The following PRRX1 variants were observed in gnomAD, a reference collection of about 807,000 sequenced individuals.
PRRX1 encodes the protein paired mesoderm homeobox protein 1.
Under a neutral mutation model 24.0 loss-of-function variants are expected in PRRX1, and 8 were observed. The ratio of observed to expected loss-of-function variants is 0.33; its 90% CI spans 0.20 to 0.60. PRRX1 has a LOEUF of 0.60. Among genes scored for constraint, PRRX1 ranks in the 20% least tolerant of loss-of-function variants. PRRX1 has a pLI of 0.82. For synonymous variants in PRRX1, 160 were observed against 131.7 expected, an observed-to-expected ratio of 1.22 and a Z score of -1.47; for missense variants, 281 against 322.4, an observed-to-expected ratio of 0.87 and a Z score of 0.98.
chr1:170,720,020 C>T, intron 2 of PRRX1, 119 bp downstream of exon 2: 1 of 1,353,694 alleles, frequency 7.4e-7, no homozygotes, highest in East Asian at 2.4e-5. Context: ...GCAATCTCAG[C>T]ACGTTGGGAG....
chr1:170,730,806 G>GT (rs1452877783), intron 3 of PRRX1, among the ~76,000 whole-genome samples: 1 of 152,126 alleles, frequency 6.6e-6, no homozygotes, highest in African/African-American at 2.4e-5. Flanking sequence ...ATGCAGCTTT[G>GT]TATCTAACAT....
At chr1:170,735,735 A>G (rs1571354013) in intron 3 of PRRX1, among the ~76,000 whole-genome samples, 1 of 152,160 alleles carries the variant, frequency 6.6e-6, no homozygotes, top group Non-Finnish European at 1.5e-5. Flanking sequence ...AACACCTGCT[A>G]TTCAACTTGA....
intron 2 of PRRX1, 119 bp from the exon 3 acceptor site, chr1:170,726,101 A>T: frequency 2.0e-6 from 2 of 1,001,186 alleles, no homozygotes; most frequent in Non-Finnish European, 3.1e-6. Context: ...TAGCCATCTT[A>T]TATCTTCTTT....
At chr1:170,734,840 G>A (rs11590551) in intron 3 of PRRX1, among the ~76,000 whole-genome samples, 7,219 of 152,188 alleles carry the variant, frequency 0.047, 249 homozygotes, top group Middle Eastern at 0.13. Context: ...TTTTGACTCC[G>A]TGGTGTCCCA....
In PRRX1 at chr1:170,670,556, A is replaced by G. The variant is rs1357075216; in HGVS notation, c.241+6097A>G. On this transcript the variant is annotated intron_variant, in intron 1 of 3. Coordinates refer to ENST00000239461, the MANE Select transcript of PRRX1 (RefSeq NM_022716.4). ...TCCACTGTGGACTAAATATTAGTAGATTGTCGTTGTCATTTTTCTAATTTA... is the reference window on the plus strand; with the variant it reads ...TCCACTGTGGACTAAATATTAGTAGGTTGTCGTTGTCATTTTTCTAATTTA... 2.6e-5 allele frequency among the ~76,000 whole-genome samples: 4 copies of G among 152,164 alleles called. No homozygotes were observed. The East Asian group carries it at 7.7e-4, about 29-fold the overall frequency.
intron 3 of PRRX1, chr1:170,730,065 C>G: frequency 1.6e-6 from 1 of 627,716 alleles, no homozygotes. Context: ...AGTGAATGGC[C>G]TGGTTTTGCA....
intron 1 of PRRX1, among the ~76,000 whole-genome samples, chr1:170,713,318 C>T (rs142460274): frequency 2.6e-5 from 4 of 152,250 alleles, no homozygotes; most frequent in African/African-American, 9.6e-5. Context: ...GAAGTAAGTA[C>T]AGTTCCAATA....
intron 1 of PRRX1, among the ~76,000 whole-genome samples, chr1:170,674,456 T>G (rs1653243297): frequency 6.6e-6 from 1 of 152,206 alleles, no homozygotes; most frequent in African/African-American, 2.4e-5. Context: ...CACACCTCCT[T>G]GCGAAACCTT....
At chr1:170,664,909 A>G (rs1360249790) in intron 1 of PRRX1, among the ~76,000 whole-genome samples, 1 of 152,214 alleles carries the variant, frequency 6.6e-6, no homozygotes, top group Admixed American at 6.5e-5. Flanking sequence ...CGGGCAGCGT[A>G]TGACGGCTTG....
chr1:170,665,644 T>C (rs1248439687), intron 1 of PRRX1, among the ~76,000 whole-genome samples: 2 of 152,202 alleles, frequency 1.3e-5, no homozygotes, highest in Admixed American at 6.5e-5. Flanking sequence ...TCTCAAAGAA[T>C]AGACATACAA....
At chr1:170,683,322 T>C (rs988112331) in intron 1 of PRRX1, among the ~76,000 whole-genome samples, 4 of 152,022 alleles carry the variant, frequency 2.6e-5, no homozygotes, top group African/African-American at 7.3e-5. Flanking sequence ...GCACCCAGAG[T>C]GTGACTCCTA....
Position 170,664,261 on chromosome 1 carries a change from C to T in PRRX1, c.43C>T (p.Leu15=), listed in dbSNP as rs1263510916. 17 of 1,612,658 alleles carry T rather than the reference C, an allele frequency of 1.1e-5. No individual in the cohort carries two copies. Among genetic ancestry groups the T allele is most frequent in the Non-Finnish European group, 1.4e-5 (16 of 1,179,602 alleles). The change falls in exon 1 of 4, where the codon CTG becomes TTG. Residue 15 remains leucine, a synonymous_variant. Coordinates refer to ENST00000239461, the MANE Select transcript of PRRX1 (RefSeq NM_022716.4). ...YGHVLERQPA[L]GGRLDSPGNL... ...GCACGTTCTGGAGCGGCAACCGGCG[C>T]TGGGCGGCCGCTTGGACAGCCCGGG...
intron 3 of PRRX1, among the ~76,000 whole-genome samples, chr1:170,733,205 T>C (rs751648546): frequency 6.6e-6 from 1 of 152,182 alleles, no homozygotes; most frequent in African/African-American, 2.4e-5. Flanking sequence ...TAGTTGACTC[T>C]GAAATCACTA....
At chr1:170,723,661 C>T (rs1655162555) in intron 2 of PRRX1, among the ~76,000 whole-genome samples, 1 of 152,214 alleles carries the variant, frequency 6.6e-6, no homozygotes, top group Non-Finnish European at 1.5e-5. Context: ...TCATACAATG[C>T]TTAACAATGG....
At chr1:170,678,888 TGAG>T (rs2101890148) in intron 1 of PRRX1, among the ~76,000 whole-genome samples, 1 of 152,338 alleles carries the variant, frequency 6.6e-6, no homozygotes, top group South Asian at 2.1e-4. Flanking sequence ...CAGAATGAAC[TGAG>T]GTTTCTCAAA....
intron 1 of PRRX1, 108 bp from the exon 2 acceptor site, chr1:170,719,618 G>T: frequency 8.0e-7 from 1 of 1,256,294 alleles, no homozygotes; most frequent in South Asian, 1.3e-5. Flanking sequence ...CTTTGATAAA[G>T]ATGTGAGCAA....
chr1:170,736,151 A>G lies in PRRX1; in HGVS notation c.703A>G (p.Ser235Gly), dbSNP rs1655595129. Residue 235 changes from serine (S) to glycine (G), a missense_variant, in exon 4 of 4, where the codon AGT becomes GGT. Ser to Gly is a moderately conservative substitution (Grantham distance 56). Coordinates refer to ENST00000239461, the MANE Select transcript of PRRX1 (RefSeq NM_022716.4). The stretch of plus-strand genomic sequence containing the variant: ...CCTGAGACTGAAGGCCAAGGAATAT[A>G]GTTTACAGAGGAACCAGGTGCCAAC... Reference protein sequence around the residue: ...ANLRLKAKEYSLQRNQVPTVN With the variant: ...ANLRLKAKEYGLQRNQVPTVN 1.2e-6 allele frequency: 2 copies of G among 1,614,224 alleles called. No individual in the cohort carries two copies. Among genetic ancestry groups the G allele is most frequent in the Non-Finnish European group, 1.7e-6 (2 of 1,180,020 alleles).
Position 170,737,347 on chromosome 1 carries a change from CAG to C in PRRX1, c.*1162_*1163del, listed in dbSNP as rs1318903426. ...TAAAGCCACAGAATAATTGATAGGG[CAG>C]CTGTTTGAGAACAGGTCCCATTTTC... On this transcript the variant is annotated 3_prime_UTR_variant, in exon 4 of 4. Transcript: ENST00000239461. The C allele has an allele frequency of 5.2e-6, 1 of 190,548 alleles. No homozygotes were observed. Among genetic ancestry groups the C allele is most frequent in the African/African-American group, 2.3e-5 (1 of 42,894 alleles). 11.8% of individuals were successfully genotyped at this position (190,548 alleles called of 1,614,324 possible). A position where few individuals can be genotyped will look rare whatever the true frequency, so the allele number is the denominator to read the frequency against.
intron 1 of PRRX1, among the ~76,000 whole-genome samples, chr1:170,693,302 T>G (rs527917372): frequency 1.3e-5 from 2 of 151,846 alleles, no homozygotes; most frequent in African/African-American, 4.8e-5. Context: ...CTATAAAGAG[T>G]GGAGACAGCA....
Sources: gnomAD v4.1 joint callset for allele counts (sites outside exome capture counted in the v4.1 genomes callset) on GRCh38, gnomAD v4.1.1 for gene constraint, MANE v1.5 for transcripts, NCBI Gene and HGNC (gene_info 2026-07-23, HGNC 2026-07-21) for gene names.